PNCK: variants seen among roughly 807,000 people sequenced by gnomAD.
The protein encoded by PNCK is pregnancy up-regulated nonubiquitous CaM kinase.
A neutral mutation model predicts 28.3 loss-of-function variants in PNCK; 21 were observed. That is an observed-to-expected ratio of 0.74 (90% CI 0.53 to 1.07). The LOEUF is 1.07. Among genes scored for constraint, PNCK ranks in the 50% least tolerant of loss-of-function variants. The pLI, the probability that PNCK is intolerant of heterozygous loss-of-function variation, is 0.00. For missense variants in PNCK, 250 were observed against 298.3 expected (o/e 0.84, Z 1.19); for synonymous variants, 136 against 125.2 (o/e 1.09, Z -0.58).
At chrX:153,673,499 A>C in intron 1 of PNCK, 8 of 366,430 alleles carry the variant, frequency 2.2e-5, no homozygotes, top group Admixed American at 7.6e-5. Flanking sequence ...CCAAGCCACC[A>C]AGCCGCCCGG....
chrX:153,674,428 G>A (rs1350923750), upstream of PNCK: 4 of 292,533 alleles, frequency 1.4e-5, no homozygotes, highest in African/African-American at 8.5e-5. Flanking sequence ...CTCTTCCCCG[G>A]CCACACTGGC....
At chrX:153,672,881 CTACA>C (rs1248949007) in intron 2 of PNCK, 124 bp downstream of exon 2, 2 of 947,716 alleles carry the variant, frequency 2.1e-6, no homozygotes, top group African/African-American at 1.9e-5. Context: ...TCACACACCC[CTACA>C]TATTCACACA....
At chrX:153,685,936 G>A (rs1447337972) in intron 1 of PNCK, among the ~76,000 whole-genome samples, 1 of 112,413 alleles carries the variant, frequency 8.9e-6, no homozygotes, top group Non-Finnish European at 1.9e-5. Flanking sequence ...GGCAAAGGGC[G>A]GGGAAGAAGG....
In PNCK at chrX:153,672,005, C is replaced by T. The variant is rs1465664873; in HGVS notation, c.289G>A (p.Glu97Lys). 9.1e-6 allele frequency: 11 copies of T among 1,209,161 alleles called. No individual in the cohort carries two copies. Among genetic ancestry groups the T allele is most frequent in the Non-Finnish European group, 1.2e-5 (11 of 894,671 alleles). ...YLAMELVTGG[E>K]LFDRIMERGS... ...CGCTCCATGATGCGGTCAAACAGCTCGCCACCCGTCACCCTGGGGGTGCCA... is the reference window on the plus strand; with the variant it reads ...CGCTCCATGATGCGGTCAAACAGCTTGCCACCCGTCACCCTGGGGGTGCCA... The change falls in exon 5 of 12, where the codon GAG (glutamate) becomes AAG (lysine). Residue 97 changes from glutamate (E) to lysine (K), a missense_variant. Glu to Lys is a moderately conservative substitution (Grantham distance 56). Transcript: ENST00000340888.
At chrX:153,677,769 GTA>G (rs1217072683), upstream of PNCK, among the ~76,000 whole-genome samples, 19 of 103,250 alleles carry the variant, frequency 1.8e-4, no homozygotes, top group South Asian at 8.8e-4. Flanking sequence ...TATATAGTGT[GTA>G]TATATATAGT....
At chrX:153,674,194 G>A (rs1473488801), upstream of PNCK, 2 of 1,189,283 alleles carry the variant, frequency 1.7e-6, no homozygotes, top group Non-Finnish European at 2.3e-6. Context: ...CCAGGACCCT[G>A]CAACCCTGCA....
chrX:153,677,658 TGTGTATATATATATAGTGTGTATATATA>T (rs1557041857), upstream of PNCK, among the ~76,000 whole-genome samples: 3 of 83,391 alleles, frequency 3.6e-5, no homozygotes, highest in East Asian at 3.4e-4. Context: ...ATATATATAG[TGTGTATATATATATAGTGTGTATATATA>T]GTGTATATAT....
intron 1 of PNCK, chrX:153,687,290 C>G (rs1603211626): frequency 1.1e-5 from 3 of 278,821 alleles, no homozygotes; most frequent in South Asian, 3.3e-5. Flanking sequence ...AAGCCCCTAC[C>G]CACTCTCACG....
intron 1 of PNCK, among the ~76,000 whole-genome samples, chrX:153,680,289 C>T (rs1306437932): frequency 1.9e-5 from 2 of 105,992 alleles, no homozygotes; most frequent in African/African-American, 6.9e-5. Context: ...GGCGTGGTGC[C>T]GTCCTCACAA....
In PNCK at chrX:153,671,349, A is replaced by G; in HGVS notation, c.550T>C (p.Leu184=). ...GCCTTCCCGTAGGGTTTCTGCTCCA[A>G]GAGCTCTGGGGCTGGGGGCCAGAGA... The part of the protein sequence containing the change: ...GTPGYVAPEL[L]EQKPYGKAVD... Residue 184 remains leucine (L), a synonymous_variant, in exon 7 of 12, where the codon TTG becomes CTG. Coordinates refer to ENST00000340888, the MANE Select transcript of PNCK (RefSeq NM_001366977.1). 5 of 1,212,072 alleles carry G rather than the reference A, an allele frequency of 4.1e-6. No homozygotes were observed. The highest frequency in any genetic ancestry group is 5.6e-6 in the Non-Finnish European group (5 of 895,503).
In PNCK at chrX:153,669,802, C is replaced by T. The variant is rs1311651917; in HGVS notation, c.*336G>A. 22 of 341,586 alleles carry T rather than the reference C, an allele frequency of 6.4e-5. No homozygotes were observed. Among genetic ancestry groups the T allele is most frequent in the Non-Finnish European group, 1.1e-4 (19 of 170,016 alleles). The allele number at this position is 341,586 out of a possible 1,213,427, so 28.2% of individuals were successfully genotyped here. Reference sequence around the variant, plus strand: ...TGGAAGGCCATGACCATGACACAAGCAGGACCACCCACACTCAGCGAAGCA... The same window carrying T: ...TGGAAGGCCATGACCATGACACAAGTAGGACCACCCACACTCAGCGAAGCA... On this transcript the variant is annotated 3_prime_UTR_variant, in exon 12 of 12. Coordinates refer to ENST00000340888, the MANE Select transcript of PNCK (RefSeq NM_001366977.1).
intron 1 of PNCK, chrX:153,687,205 G>A (rs1557043310): frequency 4.8e-6 from 1 of 207,844 alleles, no homozygotes; most frequent in East Asian, 1.9e-4. Context: ...TGAGGCCTTT[G>A]GGGAAGGGTC....
chrX:153,682,079 C>A (rs886570138), intron 1 of PNCK, among the ~76,000 whole-genome samples: 7 of 111,436 alleles, frequency 6.3e-5, no homozygotes, highest in Non-Finnish European at 1.1e-4. Flanking sequence ...ACCTCCGCCT[C>A]CTGGGTTCAA....
chrX:153,686,375 C>T (rs1175002640), intron 1 of PNCK: 1 of 111,461 alleles, frequency 9.0e-6, no homozygotes, highest in Non-Finnish European at 1.9e-5. Flanking sequence ...CCCGCGGCTC[C>T]CAGAGCTGTC....
At position 153,672,013 on chromosome X, in the gene PNCK, G is replaced by A. The variant is rs375555808; in HGVS notation, c.281C>T (p.Thr94Met). Residue 94 changes from threonine to methionine, a missense_variant, in exon 5 of 12, where the codon ACG becomes ATG. By Grantham distance (81) the Thr-to-Met change is moderately conservative. Transcript: ENST00000340888. Reference sequence around the variant, plus strand: ...GATGCGGTCAAACAGCTCGCCACCCGTCACCCTGGGGGTGCCAGGGGTTTG... The same window carrying A: ...GATGCGGTCAAACAGCTCGCCACCCATCACCCTGGGGGTGCCAGGGGTTTG... ...SHLYLAMELV[T>M]GGELFDRIME... The A allele has an allele frequency of 1.1e-4, 127 of 1,208,858 alleles. No individual in the cohort carries two copies. Among genetic ancestry groups the A allele is most frequent in the Non-Finnish European group, 4.7e-5 (42 of 894,415 alleles).
At chrX:153,681,307 G>A (rs1022979204) in intron 1 of PNCK, among the ~76,000 whole-genome samples, 1 of 111,369 alleles carries the variant, frequency 9.0e-6, no homozygotes, top group African/African-American at 3.3e-5. Flanking sequence ...CTCACGGAGC[G>A]GCTTCCTTCC....
chrX:153,674,454 G>GC (rs781925554), upstream of PNCK: 36 of 269,593 alleles, frequency 1.3e-4, 3 homozygotes, highest in East Asian at 9.1e-4. Flanking sequence ...GACGGCCCTA[G>GC]CCTTTGCTCC....
intron 1 of PNCK, among the ~76,000 whole-genome samples, chrX:153,681,432 C>T (rs2091395359): frequency 9.0e-6 from 1 of 111,606 alleles, no homozygotes. Context: ...GCTTCACCCC[C>T]GTGGTCTTCC....
intron 1 of PNCK, chrX:153,673,361 G>C (rs2091337524): frequency 9.4e-7 from 1 of 1,069,164 alleles, no homozygotes; most frequent in East Asian, 3.3e-5. Flanking sequence ...CCACACATCC[G>C]GCCGCTTTCC....
Sources: allele counts gnomAD v4.1 joint callset (sites outside exome capture counted in the v4.1 genomes callset), GRCh38; gene constraint gnomAD v4.1.1; transcripts MANE v1.5; gene names NCBI Gene and HGNC (gene_info 2026-07-23, HGNC 2026-07-21).